BTF3: variants seen among roughly 807,000 people sequenced by gnomAD.
The protein encoded by BTF3 is basic transcription factor 3, also known as transcription factor BTF3.
A neutral mutation model predicts 23.9 loss-of-function variants in BTF3; 12 were observed. That is an observed-to-expected ratio of 0.50 (90% CI 0.32 to 0.81). The LOEUF is 0.81. Ranked by LOEUF, BTF3 falls within the 40% of genes least tolerant of loss-of-function variation. The pLI is 0.03. For synonymous variants in BTF3, 96 were observed against 94.8 expected (o/e 1.01, Z -0.07); for missense variants, 215 against 255.9 (o/e 0.84, Z 1.09).
At chr5:73,502,467 T>G in intron 2 of BTF3, 21 bp from the exon 3 acceptor site, 2 of 1,550,506 alleles carry the variant, frequency 1.3e-6, no homozygotes, top group Non-Finnish European at 1.7e-6. Flanking sequence ...CTGTTTTCTT[T>G]CCTCTTCTCC....
Position 73,504,417 on chromosome 5 carries a change from C to G in BTF3, c.574+14C>G, listed in dbSNP as rs767270255. ...ATGAAGTTCCAGGTAGGAACGTTTA[C>G]TTGTGGTTAACCTAGAGAATCTTAG... On this transcript the variant is annotated intron_variant, in intron 5 of 5. Coordinates refer to ENST00000380591, the MANE Select transcript of BTF3 (RefSeq NM_001037637.2). The G allele has an allele frequency of 1.3e-6, 2 of 1,596,726 alleles. No homozygotes were observed. The highest frequency in any genetic ancestry group is 3.5e-5 in the Admixed American group (2 of 57,334).
intron 4 of BTF3, 29 bp from the exon 5 acceptor site, chr5:73,504,318 C>G (rs749373640): frequency 4.0e-6 from 2 of 500,860 alleles, no homozygotes; most frequent in Admixed American, 7.9e-5. Flanking sequence ...AAAACCTAGA[C>G]AAATAATGTT....
chr5:73,498,957 C>T (rs1273755312), intron 1 of BTF3, among the ~76,000 whole-genome samples, 158 bp downstream of exon 1: 1 of 151,590 alleles, frequency 6.6e-6, no homozygotes, highest in African/African-American at 2.4e-5. Flanking sequence ...GGTGGGGAGG[C>T]GGGTGCTCTT....
At chr5:73,502,158 CAA>C (rs148360172) in intron 2 of BTF3, among the ~76,000 whole-genome samples, 804 of 77,036 alleles carry the variant, frequency 0.01, 6 homozygotes, top group African/African-American at 0.025. Context: ...GACCCTGTCT[CAA>C]AAAAAAAAAA....
At chr5:73,502,290 A>AAC (rs749048418) in intron 2 of BTF3, among the ~76,000 whole-genome samples, 198 bp from the exon 3 acceptor site, 12 of 152,252 alleles carry the variant, frequency 7.9e-5, no homozygotes, top group Non-Finnish European at 1.6e-4. Flanking sequence ...TAGAACTTTG[A>AAC]AAAGATCATT....
intron 3 of BTF3, 55 bp downstream of exon 3, chr5:73,502,656 C>T (rs966552064): frequency 7.0e-6 from 9 of 1,294,122 alleles, no homozygotes; most frequent in Middle Eastern, 1.9e-4. Flanking sequence ...GAAAAGTTAA[C>T]GTTAATGCAT....
intron 5 of BTF3, chr5:73,504,626 C>T (rs933054913): frequency 3.8e-4 from 140 of 370,938 alleles, no homozygotes; most frequent in African/African-American, 2.6e-3. Context: ...AGGTATCTAA[C>T]CTTAAATATT....
chr5:73,501,617 C>G (rs1223576977), intron 2 of BTF3, among the ~76,000 whole-genome samples: 1 of 151,532 alleles, frequency 6.6e-6, no homozygotes, highest in Non-Finnish European at 1.5e-5. Flanking sequence ...GTGCAAAGGC[C>G]CTTGGGTCAT....
intron 2 of BTF3, among the ~76,000 whole-genome samples, chr5:73,501,592 G>A (rs1273510670): frequency 6.6e-6 from 1 of 151,982 alleles, no homozygotes; most frequent in Non-Finnish European, 1.5e-5. Context: ...TGTTCCGGAA[G>A]GAGAGGAACA....
At position 73,498,791 on chromosome 5, in the gene BTF3, G is replaced by C. The variant is rs769856280; in HGVS notation, c.124G>C (p.Glu42Gln). 70 of 1,508,628 alleles carry C rather than the reference G, an allele frequency of 4.6e-5. No homozygotes were observed. In the South Asian group the frequency reaches 8.6e-4, roughly 18 times the overall value. 93.5% of individuals were successfully genotyped at this position (1,508,628 alleles called of 1,614,324 possible). ...ACCTCGCGGCGGAACCCGAGGACAG[G>C]AGCCTCAGGTACCGCGAGGCTTGCG... ...PPPRGGTRGQEPQMKETIMNQ... is the reference protein window; with the variant it reads ...PPPRGGTRGQQPQMKETIMNQ... Residue 42 changes from glutamate to glutamine, a missense_variant, in exon 1 of 6, where the codon GAG (glutamate) becomes CAG (glutamine). Glu to Gln is a conservative substitution (Grantham distance 29). Coordinates refer to ENST00000380591, the MANE Select transcript of BTF3 (RefSeq NM_001037637.2).
At chr5:73,499,619 T>C in intron 2 of BTF3, 1 of 301,246 alleles carries the variant, frequency 3.3e-6, no homozygotes. Context: ...AAATATTCTT[T>C]AGGGTAGTTG....
At chr5:73,502,443 G>T in intron 2 of BTF3, 45 bp from the exon 3 acceptor site, 1 of 1,320,690 alleles carries the variant, frequency 7.6e-7, no homozygotes, top group Non-Finnish European at 1.1e-6. Flanking sequence ...AATATCTGTT[G>T]TGGTATAAAT....
intron 5 of BTF3, 101 bp downstream of exon 5, chr5:73,504,504 G>A (rs1746512653): frequency 2.5e-6 from 2 of 802,554 alleles, no homozygotes; most frequent in East Asian, 5.4e-5. Context: ...GGTAAGTTAA[G>A]ATGGACATAG....
intron 4 of BTF3, 80 bp from the exon 5 acceptor site, chr5:73,504,267 C>CTTTTTTTTTTTGTTTTTT (rs1746505274): frequency 8.4e-6 from 1 of 118,606 alleles, no homozygotes; most frequent in African/African-American, 5.9e-5. Context: ...TTCATCTGTT[C>CTTTTTTTTTTTGTTTTTT]TTTTTTTTTT....
rs34051700 is a variant in BTF3 at position 73,504,267 on chromosome 5, C to CTTTTTTTTTTTTTTTTTTTT, written c.518-74_518-55dup. The CTTTTTTTTTTTTTTTTTTTT allele has an allele frequency of 1.7e-4, 21 of 125,380 alleles. 3 individuals are homozygous for CTTTTTTTTTTTTTTTTTTTT. Among genetic ancestry groups the CTTTTTTTTTTTTTTTTTTTT allele is most frequent in the South Asian group, 4.4e-4 (4 of 9,044 alleles). 7.8% of individuals were successfully genotyped at this position (125,380 alleles called of 1,614,324 possible). A position where few individuals can be genotyped will look rare whatever the true frequency, so the allele number is the denominator to read the frequency against. ...AACAACACTTGGCATTTCATCTGTTCTTTTTTTTTTTTTTTTTTTTTTTTT... is the reference window on the plus strand; with the variant it reads ...AACAACACTTGGCATTTCATCTGTTCTTTTTTTTTTTTTTTTTTTTTTTTTTTTTTTTTTTTTTTTTTTTT... On this transcript the variant is annotated intron_variant, in intron 4 of 5. Transcript: ENST00000380591.
intron 2 of BTF3, 55 bp downstream of exon 2, chr5:73,499,257 A>T (rs770943776): frequency 3.0e-5 from 46 of 1,557,268 alleles, no homozygotes; most frequent in Admixed American, 1.3e-4. Flanking sequence ...TAGGTATTTT[A>T]AAAAACATAT....
At chr5:73,500,485 A>G (rs1056266056) in intron 2 of BTF3, among the ~76,000 whole-genome samples, 4 of 152,222 alleles carry the variant, frequency 2.6e-5, no homozygotes, top group African/African-American at 9.6e-5. Flanking sequence ...ATTTGCTAGG[A>G]TATTTAAAGC....
At chr5:73,504,588 G>A in intron 5 of BTF3, 185 bp downstream of exon 5, 1 of 437,896 alleles carries the variant, frequency 2.3e-6, no homozygotes, top group African/African-American at 2.1e-5. Context: ...GACTTGGCTT[G>A]TTTCTGTTTG....
intron 1 of BTF3, 113 bp downstream of exon 1, chr5:73,498,912 C>T (rs1746360791): frequency 2.1e-6 from 3 of 1,428,270 alleles, no homozygotes; most frequent in Admixed American, 2.8e-5. Flanking sequence ...AGCCTTTCAT[C>T]CGGGCCTGCC....
Sources: gnomAD v4.1 joint callset for allele counts (sites outside exome capture counted in the v4.1 genomes callset) on GRCh38, gnomAD v4.1.1 for gene constraint, MANE v1.5 for transcripts, NCBI Gene and HGNC (gene_info 2026-07-23, HGNC 2026-07-21) for gene names.